The following FSTL1 variants were observed in gnomAD, a reference collection of about 807,000 sequenced individuals.
The protein encoded by FSTL1 is follistatin like 1.
A neutral mutation model predicts 45.9 loss-of-function variants in FSTL1; 24 were observed. That is an observed-to-expected ratio of 0.52 (90% confidence interval 0.38 to 0.74). The LOEUF (loss-of-function observed/expected upper bound fraction) is 0.74. Ranked by LOEUF, FSTL1 falls within the 30% of genes least tolerant of loss-of-function variation. The pLI is 0.00. For synonymous variants in FSTL1, 120 were observed against 137.6 expected (o/e 0.87, Z 0.89); for missense variants, 340 against 381.8 (o/e 0.89, Z 0.91).
chr3:120,412,830 GCGCGCGCGCA>G lies in FSTL1; in HGVS notation c.169-857_169-848del, dbSNP rs1257777234. 9.7e-3 allele frequency among the ~76,000 whole-genome samples: 791 copies of G among 81,926 alleles called. 2 individuals carry two copies. Among genetic ancestry groups the G allele is most frequent in the African/African-American group, 0.021 (499 of 23,770 alleles). 53.7% of individuals were successfully genotyped at this position (81,926 alleles called of 152,430 possible). A position where few individuals can be genotyped will look rare whatever the true frequency, so the allele number is the denominator to read the frequency against. On this transcript the variant is annotated intron_variant, in intron 3 of 10. Transcript: ENST00000295633. Reference sequence around the variant, plus strand: ...AACACACACACATGTGCGCGCGCGCGCGCGCGCGCACACACACACACACACACACACACAC... The same window carrying G: ...AACACACACACATGTGCGCGCGCGCGCACACACACACACACACACACACAC...
intron 2 of FSTL1, among the ~76,000 whole-genome samples, chr3:120,424,898 G>A (rs1000150206): frequency 6.6e-6 from 1 of 152,110 alleles, no homozygotes; most frequent in Non-Finnish European, 1.5e-5. Flanking sequence ...ACATCCCACC[G>A]ACAGCTGCCA....
Position 120,404,869 on chromosome 3 carries a change from T to C in FSTL1, c.565A>G (p.Asn189Asp). The change falls in exon 7 of 11, where the codon AAC becomes GAC. Residue 189 changes from asparagine to aspartate, a missense_variant. Physicochemically the swap from Asn to Asp is conservative, Grantham distance 23. Coordinates refer to ENST00000295633, the MANE Select transcript of FSTL1 (RefSeq NM_007085.5). ...INITTYPDQE[N>D]NKLLRGLCVD... The stretch of plus-strand genomic sequence containing the variant: ...TCCTCTCACCTAAGCAACTTGTTGT[T>C]CTCCTGGTCTGGATACGTTGTAATA... 6.4e-7 allele frequency: 1 copy of C among 1,557,846 alleles called. No homozygotes were observed. Among genetic ancestry groups the C allele is most frequent in the Non-Finnish European group, 8.9e-7 (1 of 1,128,458 alleles).
At chr3:120,437,810 C>T (rs1937586644) in intron 2 of FSTL1, among the ~76,000 whole-genome samples, 1 of 152,176 alleles carries the variant, frequency 6.6e-6, no homozygotes. Context: ...AACTGGAGTA[C>T]AGGCAAGGTA....
chr3:120,442,969 G>A (rs1172675949), intron 2 of FSTL1, among the ~76,000 whole-genome samples: 8 of 141,044 alleles, frequency 5.7e-5, no homozygotes, highest in Non-Finnish European at 1.0e-4. Context: ...GGGAGGGATA[G>A]CATTGGGAGA....
At chr3:120,442,681 G>A (rs1937646847) in intron 2 of FSTL1, among the ~76,000 whole-genome samples, 1 of 151,072 alleles carries the variant, frequency 6.6e-6, no homozygotes, top group Admixed American at 6.6e-5. Flanking sequence ...TCAGGAGGCT[G>A]AGGCAGGAGA....
At chr3:120,407,355 G>A (rs915041375) in intron 6 of FSTL1, among the ~76,000 whole-genome samples, 1 of 151,802 alleles carries the variant, frequency 6.6e-6, no homozygotes, top group African/African-American at 2.4e-5. Context: ...TGGCCATCAG[G>A]AGCCACAGGG....
intron 2 of FSTL1, chr3:120,423,956 A>G (rs1485970104): frequency 5.3e-5 from 8 of 152,144 alleles, no homozygotes; most frequent in Non-Finnish European, 4.4e-5. Flanking sequence ...CTCCTCTCCA[A>G]TTGTCTACCT....
chr3:120,430,686 G>T (rs1280762819), intron 2 of FSTL1, among the ~76,000 whole-genome samples: 1 of 152,208 alleles, frequency 6.6e-6, no homozygotes, highest in East Asian at 1.9e-4. Context: ...CATGGAAATA[G>T]ATGAAATCTA....
At chr3:120,415,752 C>T in intron 3 of FSTL1, 171 bp downstream of exon 3, 3 of 500,702 alleles carry the variant, frequency 6.0e-6, no homozygotes, top group Admixed American at 3.5e-5. Context: ...GAAAAAATAT[C>T]CATGCTTTAA....
intron 3 of FSTL1, among the ~76,000 whole-genome samples, chr3:120,415,638 A>G (rs1055520972): frequency 6.6e-6 from 1 of 152,200 alleles, no homozygotes; most frequent in African/African-American, 2.4e-5. Context: ...TTATGGGGGA[A>G]GATTATAATT....
chr3:120,418,793 TTA>T (rs1937230993), intron 2 of FSTL1, among the ~76,000 whole-genome samples: 1 of 152,176 alleles, frequency 6.6e-6, no homozygotes, highest in Non-Finnish European at 1.5e-5. Flanking sequence ...GTTGTGAGGA[TTA>T]AACGGGATGT....
At chr3:120,437,881 C>T (rs1032351747) in intron 2 of FSTL1, among the ~76,000 whole-genome samples, 1 of 152,228 alleles carries the variant, frequency 6.6e-6, no homozygotes, top group South Asian at 2.1e-4. Flanking sequence ...CTGTGTTCAC[C>T]CTAACAAGTC....
chr3:120,432,929 A>G (rs1937504940), intron 2 of FSTL1, among the ~76,000 whole-genome samples: 1 of 152,238 alleles, frequency 6.6e-6, no homozygotes, highest in South Asian at 2.1e-4. Flanking sequence ...GTGCAAATCC[A>G]GTGACACTGA....
chr3:120,412,039 ACACACACACACATACATGCAC>A, intron 3 of FSTL1, 56 bp from the exon 4 acceptor site: 1 of 704,438 alleles, frequency 1.4e-6, no homozygotes. Flanking sequence ...ACACACAGAC[ACACACACACACATACATGCAC>A]ACACACACAC....
chr3:120,449,981 T>A (rs1937846991), intron 2 of FSTL1, among the ~76,000 whole-genome samples: 1 of 152,144 alleles, frequency 6.6e-6, no homozygotes, highest in African/African-American at 2.4e-5. Context: ...AAGAGTTTGT[T>A]GGTTTGTTTG....
At chr3:120,447,429 AC>A (rs912719295) in intron 2 of FSTL1, among the ~76,000 whole-genome samples, 1 of 152,130 alleles carries the variant, frequency 6.6e-6, no homozygotes, top group Non-Finnish European at 1.5e-5. Flanking sequence ...TACACCCAGT[AC>A]CTTCTTTCAA....
chr3:120,403,099 G>T, intron 8 of FSTL1, 143 bp downstream of exon 8: 1 of 702,426 alleles, frequency 1.4e-6, no homozygotes, highest in East Asian at 2.6e-5. Flanking sequence ...TTCACCATGG[G>T]GAGAATGGGC....
At position 120,409,657 on chromosome 3, in the gene FSTL1, A is replaced by C; in HGVS notation, c.337T>G (p.Cys113Gly). The C allele has an allele frequency of 6.2e-7, 1 of 1,614,050 alleles. No individual in the cohort carries two copies. Among genetic ancestry groups the C allele is most frequent in the East Asian group, 2.2e-5 (1 of 44,876 alleles). Residue 113 changes from cysteine to glycine, a missense_variant, in exon 6 of 11, where the codon TGC becomes GGC. Cys to Gly is a radical substitution (Grantham distance 159, BLOSUM62 -3). Transcript: ENST00000295633. Reference sequence around the variant, plus strand: ...AGCTCATCACGGTTGGACTGATAGCAAACAACTGCAGGAAAGTGGAGGATG... The same window carrying C: ...AGCTCATCACGGTTGGACTGATAGCCAACAACTGCAGGAAAGTGGAGGATG... ...SVSPSASPVV[C>G]YQSNRDELRR...
intron 2 of FSTL1, chr3:120,441,398 T>G (rs1937625873): frequency 6.6e-6 from 1 of 152,220 alleles, no homozygotes; most frequent in African/African-American, 2.4e-5. Flanking sequence ...AGTACTTCAA[T>G]CTCTTCCTGG....
Sources: allele counts gnomAD v4.1 joint callset (sites outside exome capture counted in the v4.1 genomes callset), GRCh38; gene constraint gnomAD v4.1.1; transcripts MANE v1.5; gene names NCBI Gene and HGNC (gene_info 2026-07-23, HGNC 2026-07-21).